ALK: variants seen among roughly 807,000 people sequenced by gnomAD.
ALK encodes ALK tyrosine kinase receptor.
ALK carries 74 observed loss-of-function variants against 163.1 expected under a neutral mutation model. The ratio of observed to expected loss-of-function variants is 0.45; its 90% CI spans 0.38 to 0.55. ALK has a LOEUF of 0.55. Ranked by LOEUF, ALK falls within the 20% of genes least tolerant of loss-of-function variation. The pLI, the probability that ALK is intolerant of heterozygous loss-of-function variation, is 0.00. For missense variants in ALK, 2,063 were observed against 2,105.3 expected, an observed-to-expected ratio of 0.98 and a Z score of 0.39; for synonymous variants, 960 against 843.2, an observed-to-expected ratio of 1.14 and a Z score of -2.40.
At chr2:29,381,047 C>T (rs1668884811) in intron 5 of ALK, among the ~76,000 whole-genome samples, 2 of 152,170 alleles carry the variant, frequency 1.3e-5, no homozygotes, top group Non-Finnish European at 2.9e-5. Context: ...TAAATGAAAC[C>T]TCAGCCTCTT....
At chr2:29,613,722 A>G (rs1336687652) in intron 3 of ALK, among the ~76,000 whole-genome samples, 2 of 152,230 alleles carry the variant, frequency 1.3e-5, no homozygotes, top group Non-Finnish European at 2.9e-5. Context: ...CAATAAATAC[A>G]CAGCATTTTA....
intron 2 of ALK, among the ~76,000 whole-genome samples, chr2:29,700,417 G>A (rs559374813): frequency 2.6e-5 from 4 of 152,294 alleles, no homozygotes; most frequent in Non-Finnish European, 5.9e-5. Flanking sequence ...GGTGGTGCAT[G>A]CCTGTAATCC....
rs541256176 is a variant in ALK at position 29,714,838 on chromosome 2, C to T, written c.787+2740G>A. On this transcript the variant is annotated intron_variant, in intron 2 of 28. Transcript: ENST00000389048. Reference sequence around the variant, plus strand: ...TGGATTTATCACCCAACTCAGCTGGCCTCTTTGATTCATAGACATGTGGGC... The same window carrying T: ...TGGATTTATCACCCAACTCAGCTGGTCTCTTTGATTCATAGACATGTGGGC... 1.4e-3 allele frequency among the ~76,000 whole-genome samples: 216 copies of T among 152,306 alleles called. 1 individual carries two copies. Among genetic ancestry groups the T allele is most frequent in the African/African-American group, 4.8e-3 (200 of 41,564 alleles).
intron 1 of ALK, among the ~76,000 whole-genome samples, chr2:29,786,482 T>A (rs1373991505): frequency 6.6e-6 from 1 of 152,208 alleles, no homozygotes; most frequent in East Asian, 1.9e-4. Flanking sequence ...GCAATCAATG[T>A]TATACCTAGA....
intron 26 of ALK, among the ~76,000 whole-genome samples, chr2:29,200,827 GTA>G (rs555045955): frequency 1.9e-5 from 2 of 106,600 alleles, no homozygotes; most frequent in African/African-American, 2.9e-5. Context: ...ACATATATAC[GTA>G]TATATATGTG....
intron 28 of ALK, 140 bp from the exon 29 acceptor site, chr2:29,194,062 G>T: frequency 1.2e-6 from 1 of 809,598 alleles, no homozygotes; most frequent in Middle Eastern, 2.8e-4. Flanking sequence ...TAACTTACAG[G>T]CACTGGGGCA....
intron 1 of ALK, among the ~76,000 whole-genome samples, chr2:29,737,798 A>G (rs1573595619): frequency 6.6e-6 from 1 of 152,096 alleles, no homozygotes; most frequent in East Asian, 1.9e-4. Flanking sequence ...CTGAGTCTCC[A>G]CCACTAGGAA....
chr2:29,308,142 T>C (rs1227310482), intron 8 of ALK, among the ~76,000 whole-genome samples: 1 of 152,094 alleles, frequency 6.6e-6, no homozygotes, highest in Non-Finnish European at 1.5e-5. Flanking sequence ...GAAATTAATT[T>C]AGAGTGTGCA....
At chr2:29,263,404 G>A (rs1330393398) in intron 11 of ALK, among the ~76,000 whole-genome samples, 1 of 152,294 alleles carries the variant, frequency 6.6e-6, no homozygotes, top group South Asian at 2.1e-4. Context: ...CCTTGGAATT[G>A]TAACACTTCC....
At chr2:29,442,632 G>A (rs1670575009) in intron 4 of ALK, among the ~76,000 whole-genome samples, 1 of 152,138 alleles carries the variant, frequency 6.6e-6, no homozygotes, top group Non-Finnish European at 1.5e-5. Flanking sequence ...TTCCAGGCCT[G>A]GTTGGTGTCA....
chr2:29,625,849 G>A (rs1558414575), intron 3 of ALK, among the ~76,000 whole-genome samples: 1 of 152,234 alleles, frequency 6.6e-6, no homozygotes, highest in Non-Finnish European at 1.5e-5. Context: ...AGGCACCTGA[G>A]CTTTGCATGT....
intron 3 of ALK, among the ~76,000 whole-genome samples, chr2:29,615,536 A>T (rs1043958440): frequency 1.3e-5 from 2 of 152,208 alleles, no homozygotes; most frequent in African/African-American, 4.8e-5. Context: ...AACTCATAGT[A>T]AGTGCTTCAA....
chr2:29,295,461 T>C (rs967748281), intron 9 of ALK, among the ~76,000 whole-genome samples: 2 of 152,152 alleles, frequency 1.3e-5, no homozygotes, highest in African/African-American at 4.8e-5. Flanking sequence ...GACTAAACTA[T>C]AGTGGGCAGA....
At chr2:29,912,724 G>A (rs529369001) in intron 1 of ALK, among the ~76,000 whole-genome samples, 168 of 151,962 alleles carry the variant, frequency 1.1e-3, no homozygotes, top group African/African-American at 3.9e-3. Flanking sequence ...TAAATATACA[G>A]GCTTAGCAAG....
At chr2:29,339,176 G>T (rs1667714933) in intron 5 of ALK, among the ~76,000 whole-genome samples, 1 of 152,060 alleles carries the variant, frequency 6.6e-6, no homozygotes, top group Non-Finnish European at 1.5e-5. Flanking sequence ...CCAGGAGGCG[G>T]AGGTTGCAGT....
At chr2:29,668,155 C>T (rs2631984) in intron 3 of ALK, among the ~76,000 whole-genome samples, 130,150 of 151,980 alleles carry the variant, frequency 0.86, 56,012 homozygotes, top group African/African-American at 0.94. Context: ...TTTCTAATTT[C>T]ATTATTTGAG....
intron 13 of ALK, among the ~76,000 whole-genome samples, 170 bp from the exon 14 acceptor site, chr2:29,233,866 G>A (rs567185593): frequency 6.6e-6 from 1 of 152,340 alleles, no homozygotes; most frequent in South Asian, 2.1e-4. Flanking sequence ...GGCAGTGTTA[G>A]GGAAGGACCA....
At chr2:29,467,201 G>T (rs1242357270) in intron 4 of ALK, among the ~76,000 whole-genome samples, 5 of 150,846 alleles carry the variant, frequency 3.3e-5, no homozygotes, top group Admixed American at 3.3e-4. Flanking sequence ...TTTGACCAGG[G>T]CTTCCAATGA....
chr2:29,798,712 A>C (rs994859592), intron 1 of ALK, among the ~76,000 whole-genome samples: 1 of 152,216 alleles, frequency 6.6e-6, no homozygotes, highest in East Asian at 1.9e-4. Context: ...AACCCAAAGA[A>C]CTTTTTTCTT....
Sources: allele counts gnomAD v4.1 joint callset (sites outside exome capture counted in the v4.1 genomes callset), GRCh38; gene constraint gnomAD v4.1.1; transcripts MANE v1.5; gene names NCBI Gene and HGNC (gene_info 2026-07-23, HGNC 2026-07-21).